KCND2: variants seen among roughly 807,000 people sequenced by gnomAD.
KCND2 encodes potassium voltage-gated channel subfamily D member 2.
A neutral mutation model predicts 54.4 loss-of-function variants in KCND2; 16 were observed. That is an observed-to-expected ratio of 0.29 (90% CI 0.20 to 0.45). The LOEUF (loss-of-function observed/expected upper bound fraction) is 0.45. KCND2 is among the 20% of genes least tolerant of loss of function. KCND2 has a pLI of 1.00. For missense variants in KCND2, 486 were observed against 824.2 expected (o/e 0.59, Z 5.02); for synonymous variants, 317 against 310.7 (o/e 1.02, Z -0.21).
chr7:120,585,642 G>A (rs1307491877), intron 1 of KCND2, among the ~76,000 whole-genome samples: 1 of 152,026 alleles, frequency 6.6e-6, no homozygotes, highest in Non-Finnish European at 1.5e-5. Context: ...TAAGTAGAGG[G>A]CAGGTGTCAT....
chr7:120,611,950 C>A (rs899928094), intron 1 of KCND2, among the ~76,000 whole-genome samples: 1 of 152,134 alleles, frequency 6.6e-6, no homozygotes, highest in African/African-American at 2.4e-5. Context: ...CTGAATTTTC[C>A]GTTACCAGAA....
chr7:120,392,904 A>G (rs554218606), intron 1 of KCND2, among the ~76,000 whole-genome samples: 45 of 152,168 alleles, frequency 3.0e-4, no homozygotes, highest in African/African-American at 8.9e-4. Context: ...CACTATGTGT[A>G]CACTGTAGAG....
At chr7:120,691,712 C>T (rs1291824463) in intron 1 of KCND2, among the ~76,000 whole-genome samples, 2 of 152,090 alleles carry the variant, frequency 1.3e-5, no homozygotes, top group African/African-American at 2.4e-5. Context: ...ATTTAGGCAT[C>T]ATCCAGGTAT....
chr7:120,512,836 G>A (rs1320138764), intron 1 of KCND2, among the ~76,000 whole-genome samples: 7 of 133,344 alleles, frequency 5.2e-5, no homozygotes, highest in Non-Finnish European at 7.9e-5. Flanking sequence ...TTCTTGCTCT[G>A]TCTCCCAGGC....
intron 1 of KCND2, among the ~76,000 whole-genome samples, chr7:120,500,318 C>A (rs1392088465): frequency 6.6e-6 from 1 of 152,188 alleles, no homozygotes; most frequent in Non-Finnish European, 1.5e-5. Context: ...CTTCACCAAT[C>A]ATCTTTTACA....
intron 1 of KCND2, among the ~76,000 whole-genome samples, chr7:120,578,108 G>A (rs1395627455): frequency 1.3e-5 from 2 of 151,770 alleles, no homozygotes; most frequent in African/African-American, 4.8e-5. Context: ...AGAGGAAGAG[G>A]AAGAAGAAAA....
At chr7:120,690,833 A>T (rs1253882901) in intron 1 of KCND2, among the ~76,000 whole-genome samples, 2 of 152,136 alleles carry the variant, frequency 1.3e-5, no homozygotes, top group African/African-American at 4.8e-5. Context: ...GGGAGGGAGG[A>T]CAGATGTATG....
At chr7:120,696,125 A>G (rs1481232398) in intron 1 of KCND2, among the ~76,000 whole-genome samples, 1 of 152,204 alleles carries the variant, frequency 6.6e-6, no homozygotes, top group Non-Finnish European at 1.5e-5. Context: ...CTCAAACTAC[A>G]ATTTATTTTC....
rs529174850 is a variant in KCND2 at position 120,671,864 on chromosome 7, A to G, written c.1116-61039A>G. Among the ~76,000 whole-genome samples the G allele has an allele frequency of 3.3e-5, 5 of 152,306 alleles. No homozygotes were observed. The South Asian group carries it at 6.2e-4, about 19-fold the overall frequency. ...CAATTCCACTGAAAGTGGGCAGAAGAAATAATCACACAGCAATGAACTCAT... is the reference window on the plus strand; with the variant it reads ...CAATTCCACTGAAAGTGGGCAGAAGGAATAATCACACAGCAATGAACTCAT... On this transcript the variant is annotated intron_variant, in intron 1 of 5. Transcript: ENST00000331113.
At chr7:120,554,656 C>T (rs1484197728) in intron 1 of KCND2, among the ~76,000 whole-genome samples, 5 of 152,042 alleles carry the variant, frequency 3.3e-5, no homozygotes, top group Non-Finnish European at 7.4e-5. Context: ...GATCCGCCCG[C>T]CTCGGCCTCC....
chr7:120,593,567 T>C (rs1792697537), intron 1 of KCND2, among the ~76,000 whole-genome samples: 1 of 151,950 alleles, frequency 6.6e-6, no homozygotes, highest in Non-Finnish European at 1.5e-5. Context: ...GTAAGAAAAA[T>C]TCATGCAAAC....
intron 1 of KCND2, among the ~76,000 whole-genome samples, chr7:120,605,709 A>T (rs1221075718): frequency 6.6e-6 from 1 of 152,312 alleles, no homozygotes; most frequent in South Asian, 2.1e-4. Flanking sequence ...TTCCATTTCC[A>T]CAAATCTTCC....
chr7:120,360,006 A>C (rs1800570838), intron 1 of KCND2, among the ~76,000 whole-genome samples: 2 of 152,118 alleles, frequency 1.3e-5, no homozygotes, highest in Admixed American at 1.3e-4. Context: ...TTTTCTTTAT[A>C]AATTACTCAA....
chr7:120,620,456 TG>T (rs1237999205), intron 1 of KCND2, among the ~76,000 whole-genome samples: 1 of 152,132 alleles, frequency 6.6e-6, no homozygotes, highest in Non-Finnish European at 1.5e-5. Flanking sequence ...TAAATAAATA[TG>T]GTAAAAGCAT....
chr7:120,409,087 C>T (rs924341683), intron 1 of KCND2, among the ~76,000 whole-genome samples: 3 of 151,764 alleles, frequency 2.0e-5, no homozygotes, highest in Non-Finnish European at 2.9e-5. Flanking sequence ...TTTAATAAGA[C>T]CAAGGAAACA....
At chr7:120,723,712 T>C (rs75997150) in intron 1 of KCND2, among the ~76,000 whole-genome samples, 3,145 of 152,220 alleles carry the variant, frequency 0.021, 34 homozygotes, top group African/African-American at 0.028. Flanking sequence ...CTGGGCAACA[T>C]AGTGAGACCT....
At chr7:120,606,076 G>A (rs1255620392) in intron 1 of KCND2, among the ~76,000 whole-genome samples, 2 of 152,110 alleles carry the variant, frequency 1.3e-5, no homozygotes, top group Admixed American at 1.3e-4. Context: ...ACCATGTAAG[G>A]TGTGCCTTTG....
At chr7:120,560,948 G>A (rs952705549) in intron 1 of KCND2, among the ~76,000 whole-genome samples, 2 of 152,180 alleles carry the variant, frequency 1.3e-5, no homozygotes, top group South Asian at 4.1e-4. Context: ...ATGTCCAATT[G>A]TTATACTGAA....
chr7:120,390,131 C>A (rs56087326), intron 1 of KCND2, among the ~76,000 whole-genome samples: 15,503 of 151,522 alleles, frequency 0.1, 828 homozygotes, highest in Admixed American at 0.13. Flanking sequence ...TATAGTATGT[C>A]CTAGCTACTA....
Sources: allele counts gnomAD v4.1 joint callset (sites outside exome capture counted in the v4.1 genomes callset), GRCh38; gene constraint gnomAD v4.1.1; transcripts MANE v1.5; gene names NCBI Gene and HGNC (gene_info 2026-07-23, HGNC 2026-07-21).